The following ITGA6 variants were observed in gnomAD, a reference collection of about 807,000 sequenced individuals.
The protein encoded by ITGA6 is integrin subunit alpha 6.
In ITGA6, 63 loss-of-function variants were observed where a neutral mutation model predicts 133.6. That is an observed-to-expected ratio of 0.47 (90% confidence interval 0.38 to 0.58). The LOEUF is 0.58. ITGA6 is among the 20% of genes least tolerant of loss of function. The pLI, the probability that ITGA6 is intolerant of heterozygous loss-of-function variation, is 0.00. For missense variants in ITGA6, 1,068 were observed against 1,309.4 expected, an observed-to-expected ratio of 0.82 and a Z score of 2.85; for synonymous variants, 434 against 482.0, an observed-to-expected ratio of 0.90 and a Z score of 1.30.
At chr2:172,472,478 A>T (rs1471542721) in intron 5 of ITGA6, among the ~76,000 whole-genome samples, 1 of 152,224 alleles carries the variant, frequency 6.6e-6, no homozygotes, top group Non-Finnish European at 1.5e-5. Flanking sequence ...ATTTTTTCTC[A>T]AACACATTTG....
At chr2:172,490,428 G>A (rs1686873975) in intron 20 of ITGA6, among the ~76,000 whole-genome samples, 1 of 152,202 alleles carries the variant, frequency 6.6e-6, no homozygotes, top group Non-Finnish European at 1.5e-5. Flanking sequence ...ATTCTAAGGT[G>A]ACTGGGTATG....
chr2:172,498,223 CTT>C, intron 24 of ITGA6, 123 bp downstream of exon 24: 1 of 1,009,066 alleles, frequency 9.9e-7, no homozygotes, highest in East Asian at 2.6e-5. Flanking sequence ...TTATGAAACT[CTT>C]TTGACATAGC....
intron 2 of ITGA6, 52 bp from the exon 3 acceptor site, chr2:172,467,429 G>C: frequency 7.2e-7 from 1 of 1,394,346 alleles, no homozygotes; most frequent in Non-Finnish European, 1.0e-6. Flanking sequence ...GTTCAGTGAT[G>C]GTTTCTAGCA....
chr2:172,457,607 G>A (rs895686046), intron 1 of ITGA6, among the ~76,000 whole-genome samples: 4 of 152,114 alleles, frequency 2.6e-5, no homozygotes, highest in Admixed American at 1.3e-4. Context: ...CGTTCATAAA[G>A]CTTAAATATA....
chr2:172,495,818 T>A (rs74536259), intron 23 of ITGA6, among the ~76,000 whole-genome samples: 10 of 152,356 alleles, frequency 6.6e-5, no homozygotes, highest in African/African-American at 2.4e-4. Flanking sequence ...TTTGCTCAGT[T>A]GTTAACAATA....
At position 172,485,283 on chromosome 2, in the gene ITGA6, C is replaced by A. The variant is rs1017179750; in HGVS notation, c.1854+19C>A. ...TATTGATGTAAGTCTCTCTGACTTTCATTTTGCCAAAGTTTTTTTGCCATT... is the reference window on the plus strand; with the variant it reads ...TATTGATGTAAGTCTCTCTGACTTTAATTTTGCCAAAGTTTTTTTGCCATT... On this transcript the variant is annotated intron_variant, in intron 13 of 25. Coordinates refer to ENST00000684293, the MANE Select transcript of ITGA6 (RefSeq NM_000210.4). 1 of 1,612,886 alleles carries A rather than the reference C, an allele frequency of 6.2e-7. No individual in the cohort carries two copies. Among genetic ancestry groups the A allele is most frequent in the African/African-American group, 1.3e-5 (1 of 75,008 alleles).
At chr2:172,451,096 C>T (rs1382411875) in intron 1 of ITGA6, among the ~76,000 whole-genome samples, 7 of 149,370 alleles carry the variant, frequency 4.7e-5, no homozygotes, top group East Asian at 2.0e-4. Context: ...CGGAGGGTGC[C>T]GTAAGCCAAG....
Position 172,467,383 on chromosome 2 carries a change from A to C in ITGA6, c.308-98A>C. The C allele has an allele frequency of 3.6e-6, 3 of 844,594 alleles. No homozygotes were observed. The South Asian group carries it at 4.2e-5, about 12-fold the overall frequency. The allele number at this position is 844,594 out of a possible 1,614,324, so 52.3% of individuals were successfully genotyped here. ...GAATTTATTGAGTAGCTAGACTCAG[A>C]GTCGAGGCCATTTGGAAACAGTTGC... On this transcript the variant is annotated intron_variant, in intron 2 of 25. Coordinates refer to ENST00000684293, the MANE Select transcript of ITGA6 (RefSeq NM_000210.4).
chr2:172,503,242 T>A (rs993126366), intron 25 of ITGA6, among the ~76,000 whole-genome samples: 1 of 152,144 alleles, frequency 6.6e-6, no homozygotes, highest in Admixed American at 6.5e-5. Context: ...ATATTTCATT[T>A]AAAAATTTAA....
chr2:172,427,609 A>G lies in ITGA6; in HGVS notation c.-180A>G, dbSNP rs1683897162. 2 of 1,276,780 alleles carry G rather than the reference A, an allele frequency of 1.6e-6. No homozygotes were observed. Among genetic ancestry groups the G allele is most frequent in the African/African-American group, 3.1e-5 (2 of 63,704 alleles). The allele number at this position is 1,276,780 out of a possible 1,614,324, so 79.1% of individuals were successfully genotyped here. ...ACAACGGGCTCATTCAGCGGTCGCG[A>G]GCTGCCCGCGAGGGGGAGCGGCCGG... On this transcript the variant is annotated 5_prime_UTR_variant, in exon 1 of 26. Transcript: ENST00000684293.
At chr2:172,453,004 T>C (rs1685068135) in intron 1 of ITGA6, among the ~76,000 whole-genome samples, 1 of 152,140 alleles carries the variant, frequency 6.6e-6, no homozygotes, top group African/African-American at 2.4e-5. Context: ...TAAGTCTAGT[T>C]AAGGCAGGGA....
chr2:172,483,794 C>G (rs1686548986), intron 11 of ITGA6, among the ~76,000 whole-genome samples: 1 of 151,952 alleles, frequency 6.6e-6, no homozygotes, highest in Non-Finnish European at 1.5e-5. Flanking sequence ...TATAATTTAC[C>G]TTGTAATTCT....
intron 1 of ITGA6, among the ~76,000 whole-genome samples, chr2:172,438,821 C>A (rs551859499): frequency 6.6e-6 from 1 of 151,788 alleles, no homozygotes; most frequent in Non-Finnish European, 1.5e-5. Flanking sequence ...GGTTAAGTTT[C>A]CCTATGGAAG....
At chr2:172,468,926 T>A in intron 3 of ITGA6, 199 bp from the exon 4 acceptor site, 1 of 575,304 alleles carries the variant, frequency 1.7e-6, no homozygotes, top group Non-Finnish European at 3.1e-6. Flanking sequence ...CACATTCTAG[T>A]TTCTATATGT....
Position 172,475,404 on chromosome 2 carries a change from G to A in ITGA6, c.1181-193G>A, listed in dbSNP as rs183389701. 2.7e-4 allele frequency among the ~76,000 whole-genome samples: 41 copies of A among 152,110 alleles called. No homozygotes were observed. In the East Asian group the frequency reaches 6.4e-3, roughly 24 times the overall value. ...CTTGAACCCGGGAGGCAGTGGTTGC[G>A]GTGAGCCAAGATTGCGCCATTGCAC... On this transcript the variant is annotated intron_variant, in intron 7 of 25. Coordinates refer to ENST00000684293, the MANE Select transcript of ITGA6 (RefSeq NM_000210.4).
At chr2:172,465,326 C>G in intron 1 of ITGA6, 1 of 622,294 alleles carries the variant, frequency 1.6e-6, no homozygotes, top group African/African-American at 1.8e-5. Flanking sequence ...GTTTTGGTAT[C>G]CCCTCTTTGG....
chr2:172,491,024 G>C lies in ITGA6; in HGVS notation c.2680G>C (p.Glu894Gln), dbSNP rs1367997523. Residue 894 changes from glutamate (E) to glutamine (Q), a missense_variant and splice_region_variant, in exon 21 of 26, where the codon GAG becomes CAG. Glu to Gln is a conservative substitution (Grantham distance 29). Transcript: ENST00000684293. The surrounding 1 kb of genome is among the most constrained non-coding windows in gnomAD (Gnocchi z 4.4). ...CTATTTTGGATATAATTTTTTTCAG[G>C]AGTCTCACAACTCAAGAAAGAAACG... The part of the protein sequence containing the change: ...QKEINSLNLT[E>Q]SHNSRKKREI... The C allele has an allele frequency of 6.7e-7, 1 of 1,482,050 alleles. No individual in the cohort carries two copies. The highest frequency in any genetic ancestry group is 2.3e-5 in the East Asian group (1 of 44,236). The allele number at this position is 1,482,050 out of a possible 1,614,324, so 91.8% of individuals were successfully genotyped here.
At chr2:172,472,909 G>A (rs773781877) in intron 5 of ITGA6, 36 of 1,441,520 alleles carry the variant, frequency 2.5e-5, no homozygotes, top group Admixed American at 3.3e-5. Flanking sequence ...CCTCTGCGAC[G>A]ACAAATAAAT....
Position 172,439,013 on chromosome 2 carries a change from A to G in ITGA6, c.182+11043A>G, listed in dbSNP as rs542395427. Among the ~76,000 whole-genome samples, 4 of 152,016 alleles carry G rather than the reference A, an allele frequency of 2.6e-5. No homozygotes were observed. The East Asian group carries it at 5.8e-4, about 22-fold the overall frequency. On this transcript the variant is annotated intron_variant, in intron 1 of 25. Coordinates refer to ENST00000684293, the MANE Select transcript of ITGA6 (RefSeq NM_000210.4). ...CAGAGAACCACGACTTTTTATTTTGAGTTCTTACAAGACTCATTTTAGGTG... is the reference window on the plus strand; with the variant it reads ...CAGAGAACCACGACTTTTTATTTTGGGTTCTTACAAGACTCATTTTAGGTG...
Sources: gnomAD v4.1 joint callset for allele counts (sites outside exome capture counted in the v4.1 genomes callset) on GRCh38, gnomAD v4.1.1 for gene constraint, Gnocchi (gnomAD v3.1) non-coding constraint, MANE v1.5 for transcripts, NCBI Gene and HGNC (gene_info 2026-07-23, HGNC 2026-07-21) for gene names.